MAN2A1: variants seen among roughly 807,000 people sequenced by gnomAD.
MAN2A1 encodes mannosidase alpha class 2A member 1.
In MAN2A1, 76 loss-of-function variants were observed where a neutral mutation model predicts 142.6. That is an observed-to-expected ratio of 0.53 (90% confidence interval 0.44 to 0.65). MAN2A1 has a LOEUF of 0.65. Among genes scored for constraint, MAN2A1 ranks in the 30% least tolerant of loss-of-function variants. The probability of loss-of-function intolerance (pLI) is 0.00; values close to 1 mark genes in which losing one functional copy is unlikely to be tolerated. For missense variants in MAN2A1, 1,311 were observed against 1,365.1 expected, an observed-to-expected ratio of 0.96 and a Z score of 0.62; for synonymous variants, 559 against 473.2, an observed-to-expected ratio of 1.18 and a Z score of -2.35.
At chr5:109,858,221 C>G (rs1396902150) in intron 20 of MAN2A1, among the ~76,000 whole-genome samples, 1 of 152,112 alleles carries the variant, frequency 6.6e-6, no homozygotes, top group Non-Finnish European at 1.5e-5. Flanking sequence ...CAGTTGGTGC[C>G]AGTTCCTGTG....
chr5:109,813,016 T>TA (rs1389107635), intron 12 of MAN2A1, among the ~76,000 whole-genome samples: 41 of 152,328 alleles, frequency 2.7e-4, no homozygotes, highest in African/African-American at 9.6e-4. Context: ...TGTATTTTTT[T>TA]AATCTTCATT....
At chr5:109,746,577 T>G (rs2112614224) in intron 4 of MAN2A1, among the ~76,000 whole-genome samples, 1 of 151,816 alleles carries the variant, frequency 6.6e-6, no homozygotes, top group South Asian at 2.1e-4. Flanking sequence ...TGCTGGTTTT[T>G]TTTTTTTTTT....
At position 109,690,116 on chromosome 5, in the gene MAN2A1, G is replaced by A; in HGVS notation, c.-302G>A. Reference sequence around the variant, plus strand: ...CTCCGCCTGCCCCGCGCGCCCTGCCGGAGGTCGGCGCTGAGCTTGCGATCA... The same window carrying A: ...CTCCGCCTGCCCCGCGCGCCCTGCCAGAGGTCGGCGCTGAGCTTGCGATCA... On this transcript the variant is annotated 5_prime_UTR_variant, in exon 1 of 22. Coordinates refer to ENST00000261483, the MANE Select transcript of MAN2A1 (RefSeq NM_002372.4). 6.4e-6 allele frequency: 2 copies of A among 314,494 alleles called. No homozygotes were observed. The highest frequency in any genetic ancestry group is 6.0e-6 in the Non-Finnish European group (1 of 166,652). The allele number at this position is 314,494 out of a possible 1,614,324, so 19.5% of individuals were successfully genotyped here. A position where few individuals can be genotyped will look rare whatever the true frequency, so the allele number is the denominator to read the frequency against.
chr5:109,738,448 A>G (rs1457999707), intron 4 of MAN2A1, among the ~76,000 whole-genome samples: 1 of 151,808 alleles, frequency 6.6e-6, no homozygotes, highest in Non-Finnish European at 1.5e-5. Context: ...TTGTTATACT[A>G]CCACTCTTTT....
At chr5:109,806,460 G>T (rs1754169207) in intron 12 of MAN2A1, among the ~76,000 whole-genome samples, 1 of 152,136 alleles carries the variant, frequency 6.6e-6, no homozygotes, top group South Asian at 2.1e-4. Flanking sequence ...GAAAAACTCT[G>T]CTACGAGCTA....
chr5:109,737,519 T>C (rs574604704), intron 4 of MAN2A1, among the ~76,000 whole-genome samples: 46 of 152,110 alleles, frequency 3.0e-4, no homozygotes, highest in Non-Finnish European at 5.4e-4. Flanking sequence ...AAGGTGGGGT[T>C]TGTAGAATAT....
At chr5:109,804,310 C>A in intron 12 of MAN2A1, 3 of 982,606 alleles carry the variant, frequency 3.1e-6, no homozygotes, top group Non-Finnish European at 3.6e-6. Context: ...AGCCTTTGGA[C>A]TTATTTATTT....
chr5:109,776,294 A>G (rs576399157), intron 8 of MAN2A1, among the ~76,000 whole-genome samples: 1 of 152,124 alleles, frequency 6.6e-6, no homozygotes, highest in Non-Finnish European at 1.5e-5. Context: ...TATCAAATAG[A>G]TAAATAAACC....
At chr5:109,858,439 T>TA (rs372380951) in intron 20 of MAN2A1, among the ~76,000 whole-genome samples, 20 of 151,138 alleles carry the variant, frequency 1.3e-4, no homozygotes, top group Middle Eastern at 3.4e-3. Context: ...ATGCTTATAC[T>TA]AAAAAAAAAG....
chr5:109,804,438 G>A (rs1023608871), intron 12 of MAN2A1, among the ~76,000 whole-genome samples: 4 of 152,030 alleles, frequency 2.6e-5, no homozygotes, highest in African/African-American at 9.7e-5. Context: ...ATTTGTTGTA[G>A]GTACTTAATA....
rs1182199394 is a variant in MAN2A1, at chr5:109,713,548, T to G, written c.164T>G (p.Ile55Arg). Residue 55 changes from isoleucine to arginine, a missense_variant, in exon 2 of 22, where the codon ATA becomes AGA. Physicochemically the swap from Ile to Arg is moderately conservative, Grantham distance 97. Coordinates refer to ENST00000261483, the MANE Select transcript of MAN2A1 (RefSeq NM_002372.4). ...QGQLSMLQEKIDHLERLLAEN... is the reference protein window; with the variant it reads ...QGQLSMLQEKRDHLERLLAEN... ...CAGCTCTCAATGTTGCAAGAAAAAA[T>G]AGACCATTTGGAGCGTTTGCTAGCT... 1.2e-6 allele frequency: 2 copies of G among 1,610,630 alleles called. No individual in the cohort carries two copies. Among genetic ancestry groups the G allele is most frequent in the South Asian group, 2.2e-5 (2 of 90,980 alleles).
In MAN2A1 at chr5:109,867,209, T is replaced by A. The variant is rs559449208; in HGVS notation, c.*211T>A. 15 of 355,404 alleles carry A rather than the reference T, an allele frequency of 4.2e-5. No individual in the cohort carries two copies. Among genetic ancestry groups the A allele is most frequent in the African/African-American group, 1.9e-4 (9 of 47,182 alleles). The allele number at this position is 355,404 out of a possible 1,614,324, so 22.0% of individuals were successfully genotyped here. On this transcript the variant is annotated 3_prime_UTR_variant, in exon 22 of 22. Coordinates refer to ENST00000261483, the MANE Select transcript of MAN2A1 (RefSeq NM_002372.4). ...GCTATCAATCAAGATTCTTTTTTTT[T>A]AAACTTTCTCCCATGAACTACCACC... is the stretch of plus-strand genomic sequence containing the variant.
chr5:109,764,352 T>A (rs1455550629), intron 5 of MAN2A1, among the ~76,000 whole-genome samples: 2 of 152,182 alleles, frequency 1.3e-5, no homozygotes, highest in Non-Finnish European at 2.9e-5. Flanking sequence ...ACTTTTATAC[T>A]TTTACTTTTG....
chr5:109,784,992 C>A, intron 10 of MAN2A1, 66 bp downstream of exon 10: 1 of 1,231,590 alleles, frequency 8.1e-7, no homozygotes, highest in South Asian at 1.6e-5. Flanking sequence ...AAGATTATAT[C>A]TTTTGGTGAA....
intron 12 of MAN2A1, among the ~76,000 whole-genome samples, chr5:109,795,970 C>T (rs898231406): frequency 6.6e-6 from 1 of 152,178 alleles, no homozygotes; most frequent in Non-Finnish European, 1.5e-5. Context: ...ATGTACTTCC[C>T]TCCCTCCAGT....
chr5:109,837,650 C>T (rs747401459), intron 16 of MAN2A1, among the ~76,000 whole-genome samples: 5 of 152,114 alleles, frequency 3.3e-5, no homozygotes, highest in Middle Eastern at 3.2e-3. Flanking sequence ...ACTCTTGGCT[C>T]CTGTCATTGC....
At chr5:109,757,468 T>C (rs1212971676) in intron 5 of MAN2A1, among the ~76,000 whole-genome samples, 1 of 152,230 alleles carries the variant, frequency 6.6e-6, no homozygotes, top group Non-Finnish European at 1.5e-5. Context: ...CTTTGATTTC[T>C]GTCATTGTCC....
chr5:109,745,087 G>A (rs2112611652), intron 4 of MAN2A1, among the ~76,000 whole-genome samples: 1 of 152,154 alleles, frequency 6.6e-6, no homozygotes, highest in Non-Finnish European at 1.5e-5. Flanking sequence ...ATGTCAGAGT[G>A]TTTTTTGGGG....
rs759500377 is a variant in MAN2A1, at chr5:109,865,135, A to G, written c.3271A>G (p.Thr1091Ala). Reference sequence around the variant, plus strand: ...AGGCACAGGGCTGTTTTGTTCTACTACTCAGGGAAAGGTAAGTTGAAAAGG... The same window carrying G: ...AGGCACAGGGCTGTTTTGTTCTACTGCTCAGGGAAAGGTAAGTTGAAAAGG... ...SKGTGLFCST[T>A]QGKILVQKLL... Residue 1091 changes from threonine to alanine, a missense_variant, in exon 21 of 22, where the codon ACT becomes GCT. Transcript: ENST00000261483. 3.1e-6 allele frequency: 5 copies of G among 1,612,488 alleles called. No homozygotes were observed. Among genetic ancestry groups the G allele is most frequent in the African/African-American group, 1.3e-5 (1 of 74,828 alleles).
Sources: gnomAD v4.1 joint callset for allele counts (sites outside exome capture counted in the v4.1 genomes callset) on GRCh38, gnomAD v4.1.1 for gene constraint, MANE v1.5 for transcripts, NCBI Gene and HGNC (gene_info 2026-07-23, HGNC 2026-07-21) for gene names.